The following COP1 variants were observed in gnomAD, a reference collection of about 807,000 sequenced individuals.
COP1 encodes E3 ubiquitin-protein ligase COP1.
In COP1, 24 loss-of-function variants were observed where a neutral mutation model predicts 101.3. The ratio of observed to expected loss-of-function variants is 0.24; its 90% CI spans 0.17 to 0.33. The LOEUF (loss-of-function observed/expected upper bound fraction) is 0.33. Among genes scored for constraint, COP1 ranks in the 10% least tolerant of loss-of-function variants. COP1 has a pLI of 1.00. For synonymous variants in COP1, 347 were observed against 341.9 expected (o/e 1.01, Z -0.17); for missense variants, 663 against 906.2 (o/e 0.73, Z 3.45).
rs1690538778 is a variant in COP1, at chr1:176,140,667, A to AT, written c.832-4121dup. On this transcript the variant is annotated intron_variant, in intron 6 of 19. Transcript: ENST00000367669. ...GAGAACTTAGAAGAAAAGTCTGAAT[A>AT]TAAGTCCAAGAATGTTTTAAAGATA... Among the ~76,000 whole-genome samples, 3 of 152,338 alleles carry AT rather than the reference A, an allele frequency of 2.0e-5. No homozygotes were observed. The South Asian group carries it at 6.2e-4, about 32-fold the overall frequency.
intron 9 of COP1, among the ~76,000 whole-genome samples, chr1:176,096,810 T>C (rs1682472384): frequency 6.6e-6 from 1 of 152,206 alleles, no homozygotes; most frequent in Non-Finnish European, 1.5e-5. Context: ...TTTACATAAC[T>C]TTCTGTATGG....
intron 1 of COP1, among the ~76,000 whole-genome samples, chr1:176,201,807 T>C (rs1267508253): frequency 6.6e-6 from 1 of 152,230 alleles, no homozygotes; most frequent in Non-Finnish European, 1.5e-5. Flanking sequence ...CTGCAGAGTA[T>C]GTTTCATCAT....
intron 14 of COP1, among the ~76,000 whole-genome samples, chr1:176,041,492 G>A (rs563173108): frequency 6.6e-6 from 1 of 151,976 alleles, no homozygotes; most frequent in Non-Finnish European, 1.5e-5. Context: ...AGGACCACAG[G>A]CCTGCACCAC....
chr1:176,031,681 A>C (rs1237893140), intron 14 of COP1, among the ~76,000 whole-genome samples: 1 of 152,216 alleles, frequency 6.6e-6, no homozygotes, highest in Admixed American at 6.5e-5. Context: ...GTTAAAATAA[A>C]GAAACATACT....
At chr1:176,168,797 G>A (rs1695588527) in intron 3 of COP1, 2 of 214,488 alleles carry the variant, frequency 9.3e-6, no homozygotes, top group Middle Eastern at 4.7e-4. Flanking sequence ...AAAATGCTGT[G>A]GAAGGTAGAG....
chr1:176,125,412 CA>C (rs1163428211), intron 8 of COP1, among the ~76,000 whole-genome samples: 1 of 152,020 alleles, frequency 6.6e-6, no homozygotes, highest in Non-Finnish European at 1.5e-5. Context: ...GTGATCTTTG[CA>C]GCAGGAATCA....
At chr1:176,050,183 A>G (rs949693834) in intron 11 of COP1, among the ~76,000 whole-genome samples, 3 of 152,228 alleles carry the variant, frequency 2.0e-5, no homozygotes, top group Admixed American at 2.0e-4. Context: ...TTCAACTGTT[A>G]AAAGAGTGAT....
intron 3 of COP1, among the ~76,000 whole-genome samples, chr1:176,168,365 TTATA>T (rs1375773079): frequency 3.3e-5 from 5 of 150,290 alleles, no homozygotes; most frequent in African/African-American, 1.2e-4. Context: ...CCTACAAATT[TTATA>T]TATAGAGAGA....
At chr1:176,055,185 T>A (rs1339763279) in intron 11 of COP1, among the ~76,000 whole-genome samples, 1 of 152,200 alleles carries the variant, frequency 6.6e-6, no homozygotes, top group Non-Finnish European at 1.5e-5. Context: ...TGTAATCCCA[T>A]CACTTCGGGA....
chr1:176,035,576 C>A (rs973247489), intron 14 of COP1, among the ~76,000 whole-genome samples: 3 of 149,652 alleles, frequency 2.0e-5, no homozygotes, highest in South Asian at 2.2e-4. Flanking sequence ...CATAACAATC[C>A]CAAATACATT....
chr1:175,950,407 T>C (rs1037286124), intron 18 of COP1, among the ~76,000 whole-genome samples: 1 of 152,210 alleles, frequency 6.6e-6, no homozygotes, highest in East Asian at 1.9e-4. Flanking sequence ...TAAATTATTT[T>C]TTTTTTGCAT....
At chr1:176,088,508 T>C (rs1361578119) in intron 9 of COP1, among the ~76,000 whole-genome samples, 1 of 152,188 alleles carries the variant, frequency 6.6e-6, no homozygotes. Context: ...ATGTATGTGT[T>C]TGTCAAATCT....
chr1:175,951,431 TACGTGA>T (rs1649878441), intron 18 of COP1, among the ~76,000 whole-genome samples: 1 of 93,996 alleles, frequency 1.1e-5, no homozygotes, highest in East Asian at 3.1e-4. Context: ...AAATATAAGA[TACGTGA>T]ATATATATAT....
chr1:176,176,056 T>G, intron 2 of COP1, 49 bp from the exon 3 acceptor site: 1 of 864,806 alleles, frequency 1.2e-6, no homozygotes, highest in East Asian at 2.4e-5. Context: ...AATGAAAAAT[T>G]AATAAACTGG....
intron 18 of COP1, among the ~76,000 whole-genome samples, chr1:175,951,437 A>AATAAATATAT (rs1649883380): frequency 9.3e-6 from 1 of 108,016 alleles, no homozygotes; most frequent in Non-Finnish European, 1.9e-5. Context: ...AAGATACGTG[A>AATAAATATAT]ATATATATAT....
chr1:176,091,586 G>A (rs1043193464), intron 9 of COP1, among the ~76,000 whole-genome samples: 1 of 151,998 alleles, frequency 6.6e-6, no homozygotes, highest in Non-Finnish European at 1.5e-5. Context: ...TTGCATTCTG[G>A]AGCTCTTGTA....
At chr1:176,042,193 C>T (rs922927137) in intron 14 of COP1, among the ~76,000 whole-genome samples, 1 of 151,186 alleles carries the variant, frequency 6.6e-6, no homozygotes, top group African/African-American at 2.4e-5. Context: ...ATCACTTGAA[C>T]CCGGGAGGTG....
chr1:176,181,071 C>A (rs1697677773), intron 2 of COP1, among the ~76,000 whole-genome samples: 1 of 152,128 alleles, frequency 6.6e-6, no homozygotes, highest in South Asian at 2.1e-4. Context: ...ATGTAAAAGT[C>A]AGATTTCTTA....
In COP1 at chr1:176,197,146, T is replaced by G. The variant is rs140015262; in HGVS notation, c.407+9426A>C. On this transcript the variant is annotated intron_variant, in intron 1 of 19. Transcript: ENST00000367669. ...GTGGACCCCAATCCAATACAACCAGTATTCTTCTAAGATACAGGCAACATG... is the reference window on the plus strand; with the variant it reads ...GTGGACCCCAATCCAATACAACCAGGATTCTTCTAAGATACAGGCAACATG... Among the ~76,000 whole-genome samples the G allele has an allele frequency of 1.7e-3, 257 of 152,280 alleles. 1 individual carries two copies. The highest frequency in any genetic ancestry group is 5.9e-3 in the African/African-American group (246 of 41,552).
Sources: gnomAD v4.1 joint callset for allele counts (sites outside exome capture counted in the v4.1 genomes callset) on GRCh38, gnomAD v4.1.1 for gene constraint, MANE v1.5 for transcripts, NCBI Gene and HGNC (gene_info 2026-07-23, HGNC 2026-07-21) for gene names.